The following UBE2J2 variants were observed in gnomAD, a reference collection of about 807,000 sequenced individuals.
The protein encoded by UBE2J2 is ubiquitin conjugating enzyme E2 J2.
In UBE2J2, 5 loss-of-function variants were observed where a neutral mutation model predicts 28.6. The observed-to-expected ratio is 0.17, with a 90% CI of 0.09 to 0.37. The LOEUF (loss-of-function observed/expected upper bound fraction) is 0.37. Among genes scored for constraint, UBE2J2 ranks in the 10% least tolerant of loss-of-function variants. The probability of loss-of-function intolerance (pLI) is 1.00; values close to 1 mark genes in which losing one functional copy is unlikely to be tolerated. For missense variants in UBE2J2, 226 were observed against 338.9 expected (o/e 0.67, Z 2.62); for synonymous variants, 138 against 139.7 (o/e 0.99, Z 0.09).
intron 2 of UBE2J2, chr1:1,264,918 T>C (rs971420300): frequency 2.0e-4 from 30 of 153,820 alleles, no homozygotes; most frequent in African/African-American, 7.0e-4. Context: ...AAACTACTAA[T>C]GGGATGACGT....
At chr1:1,272,770 G>T (rs142080482) in intron 1 of UBE2J2, 2 of 159,464 alleles carry the variant, frequency 1.3e-5, no homozygotes, top group African/African-American at 4.8e-5. Context: ...GTGCCAGGCC[G>T]TGCAGATGAC....
intron 3 of UBE2J2, among the ~76,000 whole-genome samples, chr1:1,258,181 A>G (rs1188597910): frequency 6.6e-6 from 1 of 150,512 alleles, no homozygotes; most frequent in Non-Finnish European, 1.5e-5. Context: ...TTGGGACTAT[A>G]GGCGCGCGCC....
Position 1,263,289 on chromosome 1 carries a change from G to A in UBE2J2, c.172+57C>T, listed in dbSNP as rs180953744. On this transcript the variant is annotated intron_variant, in intron 3 of 6. Transcript: ENST00000349431. ...AAATAAAAGATGTTGAACAGGCAAGGCTGACTGAGAATATAAAAACCGCCT... is the reference window on the plus strand; with the variant it reads ...AAATAAAAGATGTTGAACAGGCAAGACTGACTGAGAATATAAAAACCGCCT... 3.5e-4 allele frequency: 514 copies of A among 1,474,196 alleles called. 2 individuals carry two copies. The African/African-American group carries it at 6.2e-3, about 18-fold the overall frequency. The allele number at this position is 1,474,196 out of a possible 1,614,324, so 91.3% of individuals were successfully genotyped here. A position where few individuals can be genotyped will look rare whatever the true frequency, so the allele number is the denominator to read the frequency against.
At position 1,257,238 on chromosome 1, in the gene UBE2J2, G is replaced by A; in HGVS notation, c.245C>T (p.Thr82Ile). Residue 82 changes from threonine to isoleucine, a missense_variant, in exon 4 of 7, where the codon ACT (threonine) becomes ATT (isoleucine). Coordinates refer to ENST00000349431, the MANE Select transcript of UBE2J2 (RefSeq NM_058167.3). Reference sequence around the variant, plus strand: ...GTTGCACTTAAACCTCCCGTTGGGAGTGATCATATAGATACTGGGAGGTTT... The same window carrying A: ...GTTGCACTTAAACCTCCCGTTGGGAATGATCATATAGATACTGGGAGGTTT... ...PFKPPSIYMI[T>I]PNGRFKCNTR... is the part of the protein sequence containing the mutation. 2 of 1,612,824 alleles carry A rather than the reference G, an allele frequency of 1.2e-6. No individual in the cohort carries two copies. The highest frequency in any genetic ancestry group is 1.7e-6 in the Non-Finnish European group (2 of 1,179,456).
At chr1:1,271,804 G>A (rs946547234) in intron 1 of UBE2J2, among the ~76,000 whole-genome samples, 2 of 151,754 alleles carry the variant, frequency 1.3e-5, no homozygotes, top group South Asian at 2.1e-4. Context: ...GTAAAACCCC[G>A]TCTCTACTAA....
At position 1,259,377 on chromosome 1, in the gene UBE2J2, C is replaced by T. The variant is rs144276894; in HGVS notation, c.173-2067G>A. On this transcript the variant is annotated intron_variant, in intron 3 of 6. Transcript: ENST00000349431. ...CAGGACACGTGCATGCGTGTGTATG[C>T]GTGTGCATGCCATCAGGTTTGAGGA... 5.7e-4 allele frequency among the ~76,000 whole-genome samples: 86 copies of T among 150,602 alleles called. 1 individual carries two copies. In the South Asian group the frequency reaches 7.2e-3, roughly 13 times the overall value.
In UBE2J2 at chr1:1,254,228, T is replaced by C. The variant is rs566439503; in HGVS notation, c.*975A>G. On this transcript the variant is annotated 3_prime_UTR_variant, in exon 7 of 7. Coordinates refer to ENST00000349431, the MANE Select transcript of UBE2J2 (RefSeq NM_058167.3). ...AACAGCCCCTGCTGGCTCTGGCGTC[T>C]TTCCGGGCCGGGGTGCCCCTCTGCC... is the stretch of plus-strand genomic sequence containing the variant. The C allele has an allele frequency of 6.6e-6, 1 of 152,328 alleles. No individual in the cohort carries two copies. The highest frequency in any genetic ancestry group is 1.5e-5 in the Non-Finnish European group (1 of 68,032). 9.4% of individuals were successfully genotyped at this position (152,328 alleles called of 1,614,324 possible). A position where few individuals can be genotyped will look rare whatever the true frequency, so the allele number is the denominator to read the frequency against.
At chr1:1,263,646 T>C in intron 2 of UBE2J2, 3 of 379,592 alleles carry the variant, frequency 7.9e-6, no homozygotes, top group Admixed American at 3.9e-5. Context: ...GTTTCGACAA[T>C]ATAACATGCA....
chr1:1,261,803 C>T (rs1478174483), intron 3 of UBE2J2, among the ~76,000 whole-genome samples: 1 of 151,756 alleles, frequency 6.6e-6, no homozygotes, highest in Admixed American at 6.6e-5. Context: ...CCCACCACCA[C>T]GCCCAGCTAA....
At chr1:1,259,662 G>A (rs952002403) in intron 3 of UBE2J2, among the ~76,000 whole-genome samples, 23 of 152,082 alleles carry the variant, frequency 1.5e-4, no homozygotes, top group Admixed American at 9.8e-4. Context: ...CCCCTTCCTC[G>A]AGCTGATCCA....
At position 1,256,937 on chromosome 1, in the gene UBE2J2, A is replaced by G. The variant is rs1639218156; in HGVS notation, c.414+55T>C. ...GGCAGCTGCAACTCAGGAACAGAGA[A>G]CAGCCCCCCAGACACAAGGCTGACG... On this transcript the variant is annotated intron_variant, in intron 5 of 6. Transcript: ENST00000349431. 3 of 1,366,342 alleles carry G rather than the reference A, an allele frequency of 2.2e-6. No homozygotes were observed. The Admixed American group carries it at 8.5e-5, about 39-fold the overall frequency. 84.6% of individuals were successfully genotyped at this position (1,366,342 alleles called of 1,614,324 possible). A position where few individuals can be genotyped will look rare whatever the true frequency, so the allele number is the denominator to read the frequency against.
At chr1:1,264,584 C>T (rs894168442) in intron 2 of UBE2J2, among the ~76,000 whole-genome samples, 15 of 152,288 alleles carry the variant, frequency 9.8e-5, no homozygotes, top group African/African-American at 3.4e-4. Flanking sequence ...CCAGCCTGGT[C>T]AACATGGCGA....
chr1:1,256,890 A>AAG, intron 5 of UBE2J2, 102 bp downstream of exon 5: 1 of 440,220 alleles, frequency 2.3e-6, no homozygotes, highest in Non-Finnish European at 2.8e-6. Flanking sequence ...CGTCTCAAGA[A>AAG]AAAAAAAAAA....
intron 1 of UBE2J2, among the ~76,000 whole-genome samples, chr1:1,269,808 G>A (rs562711403): frequency 3.9e-4 from 59 of 152,256 alleles, no homozygotes; most frequent in African/African-American, 1.3e-3. Context: ...AGTGGCCATC[G>A]ATAACGGACA....
chr1:1,254,971 C>G lies in UBE2J2; in HGVS notation c.*232G>C, dbSNP rs574193013. 6 of 477,350 alleles carry G rather than the reference C, an allele frequency of 1.3e-5. No homozygotes were observed. Among genetic ancestry groups the G allele is most frequent in the Non-Finnish European group, 2.2e-5 (6 of 270,736 alleles). The allele number at this position is 477,350 out of a possible 1,614,324, so 29.6% of individuals were successfully genotyped here. On this transcript the variant is annotated 3_prime_UTR_variant, in exon 7 of 7. Transcript: ENST00000349431. The stretch of plus-strand genomic sequence containing the variant: ...GAAGATAAGCTACAAATCCAGCACA[C>G]AAGGCCCACCCACACCAGCCCCAGC...
Position 1,255,215 on chromosome 1 carries a change from G to A in UBE2J2, c.768C>T (p.Ile256=), listed in dbSNP as rs779886665. ...CGGCGCCTGGGCCTCACTCCTGCGC[G>A]ATGCTCCTCAGCACGTACTTGACCG... ...AYTVKYVLRS[I]AQE The change falls in exon 7 of 7, where the codon ATC becomes ATT. Residue 256 remains isoleucine, a synonymous_variant. Transcript: ENST00000349431. 47 of 1,598,852 alleles carry A rather than the reference G, an allele frequency of 2.9e-5. No homozygotes were observed. Among genetic ancestry groups the A allele is most frequent in the Middle Eastern group, 1.7e-4 (1 of 6,030 alleles).
intron 2 of UBE2J2, 153 bp downstream of exon 2, chr1:1,267,709 C>T (rs1639948819): frequency 6.7e-7 from 1 of 1,483,410 alleles, no homozygotes; most frequent in Admixed American, 2.3e-5. Context: ...AGAGTGTCCA[C>T]AGGCCCCTGG....
At chr1:1,256,216 GTCT>G in intron 5 of UBE2J2, 91 bp from the exon 6 acceptor site, 1 of 930,402 alleles carries the variant, frequency 1.1e-6, no homozygotes, top group South Asian at 1.4e-5. Context: ...AAGGGCTGCA[GTCT>G]TCGTGTTGCA....
Position 1,267,571 on chromosome 1 carries a change from C to T in UBE2J2, c.131+291G>A, listed in dbSNP as rs76742009. On this transcript the variant is annotated intron_variant, in intron 2 of 6. Transcript: ENST00000349431. ...ACCCCACACCAGAGACTCTCTCCAG[C>T]CCCAACCTGAGTCAACCTGGACCCC... is the stretch of plus-strand genomic sequence containing the variant. Among the ~76,000 whole-genome samples the T allele has an allele frequency of 9.8e-4, 150 of 152,356 alleles. 2 individuals carry two copies. The East Asian group carries it at 0.028, about 29-fold the overall frequency.
Sources: allele counts gnomAD v4.1 joint callset (sites outside exome capture counted in the v4.1 genomes callset), GRCh38; gene constraint gnomAD v4.1.1; transcripts MANE v1.5; gene names NCBI Gene and HGNC (gene_info 2026-07-23, HGNC 2026-07-21).